NTMT1: variants seen among roughly 807,000 people sequenced by gnomAD.
The protein encoded by NTMT1 is N-terminal RCC1 methyltransferase.
In NTMT1, 8 loss-of-function variants were observed where a neutral mutation model predicts 17.5. That is an observed-to-expected ratio of 0.46 (90% confidence interval 0.27 to 0.82). NTMT1 has a LOEUF of 0.82. NTMT1 is among the 40% of genes least tolerant of loss of function. The pLI is 0.15. For missense variants in NTMT1, 221 were observed against 303.5 expected, an observed-to-expected ratio of 0.73 and a Z score of 2.02; for synonymous variants, 128 against 126.8, an observed-to-expected ratio of 1.01 and a Z score of -0.06.
upstream of NTMT1, among the ~76,000 whole-genome samples, chr9:129,622,264 G>A (rs538701251): frequency 2.6e-5 from 4 of 152,272 alleles, no homozygotes; most frequent in East Asian, 3.9e-4. Flanking sequence ...AGGCCGAGGC[G>A]GGCGGATCAC....
At position 129,634,127 on chromosome 9, in the gene NTMT1, T is replaced by A. The variant is rs1831366138; in HGVS notation, c.236T>A (p.Leu79Gln). ...GGCATTGGGAGGATCACCAAGCGGC[T>A]GCTCCTGCCGCTGTTCAGAGAGGTG... ...GAGIGRITKR[L>Q]LLPLFREVDM... is the part of the protein sequence containing the mutation. The change falls in exon 3 of 4, where the codon CTG becomes CAG. Residue 79 changes from leucine (L) to glutamine (Q), a missense_variant. Coordinates refer to ENST00000372483, the MANE Select transcript of NTMT1 (RefSeq NM_014064.4). 6.2e-7 allele frequency: 1 copy of A among 1,613,962 alleles called. No individual in the cohort carries two copies. Among genetic ancestry groups the A allele is most frequent in the Non-Finnish European group, 8.5e-7 (1 of 1,180,000 alleles).
At chr9:129,629,647 AG>A (rs1266655742) in intron 1 of NTMT1, among the ~76,000 whole-genome samples, 34 of 151,960 alleles carry the variant, frequency 2.2e-4, no homozygotes. Flanking sequence ...GCTTGCGGGG[AG>A]GGTGTTATGT....
chr9:129,613,582 A>G lies in NTMT1; in HGVS notation c.-55+4404A>G, dbSNP rs956519022. 1.3e-5 allele frequency: 21 copies of G among 1,613,972 alleles called. No individual in the cohort carries two copies. The highest frequency in any genetic ancestry group is 1.8e-5 in the Non-Finnish European group (21 of 1,180,010). The stretch of plus-strand genomic sequence containing the variant: ...TGGCAGGGCGGCCTTCTGGTTCACA[A>G]TGACGCTCTGTTGGACTGCAGGAAA... On this transcript the variant is annotated intron_variant, in intron 1 of 3. Coordinates refer to the NTMT1 transcript ENST00000372486. The surrounding 1 kb of genome is among the most constrained non-coding windows in gnomAD (Gnocchi z 6.2).
In NTMT1 at chr9:129,614,823, A is replaced by G. The variant is rs1240439076; in HGVS notation, c.-55+5645A>G. 6.6e-6 allele frequency among the ~76,000 whole-genome samples: 1 copy of G among 152,064 alleles called. No homozygotes were observed. Among genetic ancestry groups the G allele is most frequent in the Non-Finnish European group, 1.5e-5 (1 of 68,012 alleles). On this transcript the variant is annotated intron_variant, in intron 1 of 3. Coordinates refer to the NTMT1 transcript ENST00000372486. This position sits in a 1 kb window ranked among gnomAD's most constrained non-coding sequence, Gnocchi z 4.4. ...AGGCTGAGGCAGGAGAATGGCATGA[A>G]CCCGGGAGGTGGAGCTTGCAGCGAG...
upstream of NTMT1, among the ~76,000 whole-genome samples, chr9:129,623,667 T>C (rs1052209951): frequency 4.6e-5 from 7 of 152,154 alleles, no homozygotes; most frequent in Admixed American, 3.9e-4. Context: ...CTATTTTCTG[T>C]CAATGCTTCT....
Position 129,626,251 on chromosome 9 carries a change from C to T in NTMT1, c.-99C>T, listed in dbSNP as rs939920402. On this transcript the variant is annotated 5_prime_UTR_variant, in exon 1 of 4. Transcript: ENST00000372483. The stretch of plus-strand genomic sequence containing the variant: ...TCTCCGCCGCCGCCGCCCTCCCTTC[C>T]TCTTCCCCATCTTCTTCTCTCGGTC... 2 of 152,234 alleles carry T rather than the reference C, an allele frequency of 1.3e-5. No homozygotes were observed. The highest frequency in any genetic ancestry group is 4.8e-5 in the African/African-American group (2 of 41,458). 9.4% of individuals were successfully genotyped at this position (152,234 alleles called of 1,614,324 possible). A position where few individuals can be genotyped will look rare whatever the true frequency, so the allele number is the denominator to read the frequency against.
intron 1 of NTMT1, among the ~76,000 whole-genome samples, chr9:129,629,954 A>C (rs1185822016): frequency 1.3e-5 from 2 of 152,078 alleles, no homozygotes; most frequent in African/African-American, 4.8e-5. Context: ...GAATCTGAAG[A>C]GAAGTTTAAG....
intron 1 of NTMT1, chr9:129,628,701 A>T (rs1306206980): frequency 1.3e-5 from 2 of 152,306 alleles, no homozygotes; most frequent in Non-Finnish European, 2.9e-5. Flanking sequence ...GAGGAGACGG[A>T]TGGAGTCCAG....
intron 1 of NTMT1, among the ~76,000 whole-genome samples, chr9:129,628,318 CA>C (rs1281343903): frequency 3.3e-5 from 5 of 152,228 alleles, no homozygotes; most frequent in African/African-American, 1.2e-4. Flanking sequence ...GGGCAGATGT[CA>C]AAGTCAGGCT....
In NTMT1 at chr9:129,635,467, C is replaced by T. The variant is rs55943174; in HGVS notation, c.*3C>T. ...TCTATAGCTTTGCCCTGAGATGAGC[C>T]GGGGCTGGCAGGAGAAACTGAGGAA... On this transcript the variant is annotated 3_prime_UTR_variant, in exon 4 of 4. Coordinates refer to ENST00000372483, the MANE Select transcript of NTMT1 (RefSeq NM_014064.4). The T allele has an allele frequency of 3.9e-5, 62 of 1,603,074 alleles. No individual in the cohort carries two copies. Among genetic ancestry groups the T allele is most frequent in the Non-Finnish European group, 4.4e-5 (51 of 1,172,214 alleles).
At chr9:129,619,453 GGAAA>G (rs1830559785) in intron 1 of NTMT1, 5 of 1,141,880 alleles carry the variant, frequency 4.4e-6, no homozygotes, top group Admixed American at 2.1e-5. Context: ...GGGCGAAAGA[GGAAA>G]GAAAGAAGGA....
chr9:129,612,047 G>A (rs1231703251), intron 1 of NTMT1, among the ~76,000 whole-genome samples: 4 of 152,022 alleles, frequency 2.6e-5, no homozygotes, highest in African/African-American at 9.7e-5. Flanking sequence ...ATTGTGCCCA[G>A]CATGTTCCCA....
chr9:129,634,884 CTT>C (rs2118987408), intron 3 of NTMT1: 1 of 349,460 alleles, frequency 2.9e-6, no homozygotes, highest in African/African-American at 2.1e-5. Context: ...ATGCCAAACT[CTT>C]AGCCCAGGTT....
chr9:129,634,269 G>C lies in NTMT1; in HGVS notation c.378G>C (p.Pro126=). The change falls in exon 3 of 4, where the codon CCG becomes CCC. Residue 126 remains proline (P), a synonymous_variant. Transcript: ENST00000372483. ...CCGLQDFTPE[P]DSYDVIWIQW... ...GGCTCCAGGACTTCACCCCGGAGCC[G>C]GACTCTTACGACGTGATCTGGATCC... 1 of 1,612,440 alleles carries C rather than the reference G, an allele frequency of 6.2e-7. No individual in the cohort carries two copies. Among genetic ancestry groups the C allele is most frequent in the Non-Finnish European group, 8.5e-7 (1 of 1,179,038 alleles).
chr9:129,628,049 G>T (rs58682206), intron 1 of NTMT1, among the ~76,000 whole-genome samples: 7,197 of 152,318 alleles, frequency 0.047, 207 homozygotes, highest in South Asian at 0.093. Flanking sequence ...CCAGGCATGA[G>T]GGGTTTGTCT....
At chr9:129,619,773 C>T (rs758796621) in intron 1 of NTMT1, 1 of 1,614,006 alleles carries the variant, frequency 6.2e-7, no homozygotes, top group Non-Finnish European at 8.5e-7. Flanking sequence ...GTTGGGACAC[C>T]GCGGAGACCC....
chr9:129,632,881 G>A lies in NTMT1; in HGVS notation c.162+16G>A, dbSNP rs371187316. On this transcript the variant is annotated intron_variant, in intron 2 of 3. Transcript: ENST00000372483. ...GTTTTTGAGGGTAGGCAGGTCTGGC[G>A]TGCTCTCCAGGAGAGGCTGTGGCTC... 18 of 1,612,334 alleles carry A rather than the reference G, an allele frequency of 1.1e-5. No individual in the cohort carries two copies. The highest frequency in any genetic ancestry group is 8.3e-5 in the Admixed American group (5 of 59,916).
rs775969054 is a variant in NTMT1 at position 129,615,645 on chromosome 9, C to T, written c.-55+6467C>T. The T allele has an allele frequency of 4.5e-6, 7 of 1,556,090 alleles. 1 individual carries two copies. The South Asian group carries it at 8.3e-5, about 18-fold the overall frequency. ...CCTGGGGACCTGTGCACCGTGGGGC[C>T]TGCTGAGAGAGGGGAGAGGGGCCTG... On this transcript the variant is annotated intron_variant, in intron 1 of 3. Coordinates refer to the NTMT1 transcript ENST00000372486.
chr9:129,634,854 T>C lies in NTMT1; in HGVS notation c.416-354T>C, dbSNP rs942271371. 4.2e-5 allele frequency: 12 copies of C among 284,840 alleles called. No individual in the cohort carries two copies. The East Asian group carries it at 9.8e-4, about 23-fold the overall frequency. 17.6% of individuals were successfully genotyped at this position (284,840 alleles called of 1,614,324 possible). On this transcript the variant is annotated intron_variant, in intron 3 of 3. Coordinates refer to ENST00000372483, the MANE Select transcript of NTMT1 (RefSeq NM_014064.4). ...GGGACTTCTAGTGTAGGGAAGGCAG[T>C]CTCTCTGGGAGCTCCTGCAATGCCA...
Sources: gnomAD v4.1 joint callset for allele counts (sites outside exome capture counted in the v4.1 genomes callset) on GRCh38, gnomAD v4.1.1 for gene constraint, Gnocchi (gnomAD v3.1) non-coding constraint, MANE v1.5 for transcripts, NCBI Gene and HGNC (gene_info 2026-07-23, HGNC 2026-07-21) for gene names.